Variants in PUDP observed in about 807,000 individuals in gnomAD.
PUDP encodes the protein pseudouridine 5'-phosphatase, also known as pseudouridine-5'-phosphatase.
In PUDP, 8 loss-of-function variants were observed where a neutral mutation model predicts 9.4. That is an observed-to-expected ratio of 0.85 (90% CI 0.50 to 1.53). The LOEUF (loss-of-function observed/expected upper bound fraction) is 1.53. Ranked by LOEUF, PUDP falls within the 40% of genes most tolerant of loss-of-function variation. The pLI, the probability that PUDP is intolerant of heterozygous loss-of-function variation, is 0.00. For synonymous variants in PUDP, 99 were observed against 80.7 expected (o/e 1.23, Z -1.22); for missense variants, 188 against 189.7 (o/e 0.99, Z 0.05).
At chrX:6,793,498 A>G (rs1925786334) in intron 3 of PUDP, among the ~76,000 whole-genome samples, 2 of 112,293 alleles carry the variant, frequency 1.8e-5, no homozygotes, top group South Asian at 3.7e-4. Flanking sequence ...AATTCGAACC[A>G]TAGCAGGAGT....
At chrX:6,826,696 T>C (rs1926428109) in intron 3 of PUDP, among the ~76,000 whole-genome samples, 3 of 112,203 alleles carry the variant, frequency 2.7e-5, no homozygotes, top group Non-Finnish European at 5.6e-5. Flanking sequence ...TTATAGGTCC[T>C]AGGTTTTAAT....
intron 3 of PUDP, among the ~76,000 whole-genome samples, chrX:6,941,416 C>A (rs1406697542): frequency 6.2e-5 from 6 of 97,330 alleles, no homozygotes; most frequent in African/African-American, 1.9e-4. Context: ...TTATAGCTCA[C>A]TGCAGCCTCT....
chrX:7,083,352 G>A (rs1208472598), intron 2 of PUDP, among the ~76,000 whole-genome samples: 3 of 112,045 alleles, frequency 2.7e-5, no homozygotes, highest in Non-Finnish European at 3.8e-5. Flanking sequence ...AAAAGTGGGC[G>A]AGGAAGCAAC....
intron 3 of PUDP, among the ~76,000 whole-genome samples, chrX:6,752,408 G>C (rs1048355799): frequency 1.3e-4 from 15 of 111,586 alleles, no homozygotes; most frequent in African/African-American, 4.9e-4. Flanking sequence ...CTGAAGGTAG[G>C]GGCCATGAAA....
chrX:7,098,578 T>C (rs1165423222), intron 2 of PUDP, among the ~76,000 whole-genome samples: 6 of 111,637 alleles, frequency 5.4e-5, no homozygotes, highest in Non-Finnish European at 1.1e-4. Flanking sequence ...TGTCAGTCAG[T>C]ACTCCTACTG....
chrX:6,776,488 G>A lies in PUDP; in HGVS notation c.*248-70022C>T, dbSNP rs374312032. Among the ~76,000 whole-genome samples the A allele has an allele frequency of 5.4e-4, 60 of 111,180 alleles. 2 individuals carry two copies. The East Asian group carries it at 7.4e-3, about 14-fold the overall frequency. ...AGAGTTTGCAGTGAGCCAAGATTGCGCCACTACACTCCGGCCTGGGTGACA... is the reference window on the plus strand; with the variant it reads ...AGAGTTTGCAGTGAGCCAAGATTGCACCACTACACTCCGGCCTGGGTGACA... On this transcript the variant is annotated intron_variant and NMD_transcript_variant, in intron 3 of 3. Transcript: ENST00000655425.
intron 3 of PUDP, among the ~76,000 whole-genome samples, chrX:6,753,796 C>T (rs1349759359): frequency 9.0e-6 from 1 of 111,518 alleles, no homozygotes; most frequent in Non-Finnish European, 1.9e-5. Flanking sequence ...CTATTCTTGT[C>T]CTTAGCCCAC....
intron 3 of PUDP, among the ~76,000 whole-genome samples, chrX:6,912,426 C>T (rs1927862506): frequency 1.8e-5 from 2 of 112,413 alleles, no homozygotes; most frequent in South Asian, 7.3e-4. Flanking sequence ...CACACCTTTT[C>T]ATTCAGTGTT....
intron 3 of PUDP, among the ~76,000 whole-genome samples, chrX:6,846,048 T>C (rs186934491): frequency 1.8e-5 from 2 of 112,413 alleles, no homozygotes; most frequent in Admixed American, 1.9e-4. Flanking sequence ...TGTAGGTCTC[T>C]ATTTCTTCCT....
At chrX:6,834,078 A>C (rs1001136098) in intron 3 of PUDP, among the ~76,000 whole-genome samples, 4 of 112,051 alleles carry the variant, frequency 3.6e-5, no homozygotes, top group East Asian at 5.6e-4. Context: ...TAAAGGAATA[A>C]AAACAGATAC....
At chrX:7,029,189 C>T (rs1267869919) in intron 1 of PUDP, among the ~76,000 whole-genome samples, 1 of 111,615 alleles carries the variant, frequency 9.0e-6, no homozygotes, top group Non-Finnish European at 1.9e-5. Flanking sequence ...ATGTTTGGCC[C>T]ACAACAATTC....
At chrX:6,813,569 G>A (rs1009274882) in intron 3 of PUDP, among the ~76,000 whole-genome samples, 2 of 111,436 alleles carry the variant, frequency 1.8e-5, no homozygotes, top group Non-Finnish European at 3.8e-5. Context: ...CCCGTAGGGC[G>A]TAGCAAAAAA....
intron 3 of PUDP, among the ~76,000 whole-genome samples, chrX:6,888,502 T>C (rs1927463987): frequency 9.3e-6 from 1 of 108,017 alleles, no homozygotes; most frequent in Non-Finnish European, 1.9e-5. Context: ...ACAAAAAAAT[T>C]AGCCAGGCAT....
chrX:6,926,922 C>CTTTTTTTTTT (rs61299123), intron 3 of PUDP, among the ~76,000 whole-genome samples: 1 of 66,855 alleles, frequency 1.5e-5, no homozygotes, highest in Non-Finnish European at 2.7e-5. Context: ...GAGACAATTC[C>CTTTTTTTTTT]TTTTTTTTTT....
intron 3 of PUDP, among the ~76,000 whole-genome samples, chrX:6,884,814 T>A (rs763088762): frequency 1.3e-3 from 143 of 112,518 alleles, no homozygotes; most frequent in Non-Finnish European, 2.1e-3. Context: ...AATATTGGTT[T>A]CCGAAAGTGA....
chrX:7,051,680 C>T (rs1440845575), intron 3 of PUDP, among the ~76,000 whole-genome samples: 1 of 112,280 alleles, frequency 8.9e-6, no homozygotes, highest in Non-Finnish European at 1.9e-5. Context: ...GGGCTCCCTC[C>T]AAAGGAGACA....
intron 3 of PUDP, among the ~76,000 whole-genome samples, chrX:6,882,793 G>A (rs968504458): frequency 9.0e-6 from 1 of 111,322 alleles, no homozygotes; most frequent in Non-Finnish European, 1.9e-5. Context: ...AGGAGCAGCC[G>A]GGGCAAGAGT....
Position 7,005,116 on chromosome X carries a change from T to G in PUDP, c.205-26773A>C, listed in dbSNP as rs1272537659. On this transcript the variant is annotated intron_variant and NMD_transcript_variant, in intron 1 of 3. Coordinates refer to the PUDP transcript ENST00000655425. ...GGCCACTAGGGGTGGTGGTGTGACC[T>G]GCCTGGAGCAGCGCTAAGTATAGAC... 2.7e-5 allele frequency among the ~76,000 whole-genome samples: 3 copies of G among 111,450 alleles called. No homozygotes were observed. The East Asian group carries it at 8.5e-4, about 31-fold the overall frequency.
At chrX:6,822,010 C>G (rs752374940) in intron 3 of PUDP, among the ~76,000 whole-genome samples, 1 of 112,052 alleles carries the variant, frequency 8.9e-6, no homozygotes, top group East Asian at 2.8e-4. Flanking sequence ...TTTACCTCCT[C>G]AAGCTCATCT....
Sources: allele counts gnomAD v4.1 joint callset (sites outside exome capture counted in the v4.1 genomes callset), GRCh38; gene constraint gnomAD v4.1.1; transcripts MANE v1.5; gene names NCBI Gene and HGNC (gene_info 2026-07-23, HGNC 2026-07-21).